Variants in PTPRN2 observed in about 807,000 individuals in gnomAD.
PTPRN2 encodes the protein protein tyrosine phosphatase receptor type N2, also known as receptor-type tyrosine-protein phosphatase N2.
In PTPRN2, 74 loss-of-function variants were observed where a neutral mutation model predicts 118.8. The observed-to-expected ratio is 0.62, with a 90% CI of 0.52 to 0.76. The LOEUF (loss-of-function observed/expected upper bound fraction) is 0.76. PTPRN2 is among the 30% of genes least tolerant of loss of function. The pLI is 0.00. For missense variants in PTPRN2, 1,481 were observed against 1,394.4 expected (o/e 1.06, Z -0.99); for synonymous variants, 641 against 608.0 (o/e 1.05, Z -0.80).
At chr7:158,118,587 CA>C (rs1816911627) in intron 9 of PTPRN2, among the ~76,000 whole-genome samples, 1 of 152,160 alleles carries the variant, frequency 6.6e-6, no homozygotes, top group Admixed American at 6.5e-5. Context: ...ACTCTCCAAT[CA>C]AAAGACAGAG....
chr7:158,455,840 T>TCAA, intron 2 of PTPRN2, among the ~76,000 whole-genome samples: 1 of 147,644 alleles, frequency 6.8e-6, no homozygotes, highest in South Asian at 2.2e-4. Flanking sequence ...CGGCCACCCA[T>TCAA]TGCTCTGCAG....
At chr7:157,621,635 G>GC (rs1265579618) in intron 14 of PTPRN2, 126 bp from the exon 15 acceptor site, 9 of 1,219,984 alleles carry the variant, frequency 7.4e-6, no homozygotes, top group Admixed American at 1.9e-5. Context: ...ACGAGCCTGG[G>GC]CCATGGTGCG....
chr7:157,576,597 G>C lies in PTPRN2; in HGVS notation c.2783+16C>G. The C allele has an allele frequency of 6.3e-7, 1 of 1,597,798 alleles. No individual in the cohort carries two copies. The highest frequency in any genetic ancestry group is 8.5e-7 in the Non-Finnish European group (1 of 1,170,124). Reference sequence around the variant, plus strand: ...GCTCAGCGCGCACTGCCCTGCCGGCGGGCCGCGCGTCATACCTGCGGAAGT... The same window carrying C: ...GCTCAGCGCGCACTGCCCTGCCGGCCGGCCGCGCGTCATACCTGCGGAAGT... On this transcript the variant is annotated intron_variant, in intron 19 of 22. Coordinates refer to ENST00000389418, the MANE Select transcript of PTPRN2 (RefSeq NM_002847.5).
intron 8 of PTPRN2, among the ~76,000 whole-genome samples, chr7:158,134,507 T>C (rs1436545436): frequency 2.0e-5 from 3 of 152,196 alleles, no homozygotes; most frequent in African/African-American, 4.8e-5. Flanking sequence ...AAAGGCACTG[T>C]ACTAAATGCG....
At chr7:157,939,612 A>C (rs10226368) in intron 11 of PTPRN2, among the ~76,000 whole-genome samples, 59,007 of 152,216 alleles carry the variant, frequency 0.39, 13,717 homozygotes, top group East Asian at 0.63. Flanking sequence ...AGCAAAGGTG[A>C]GGCCCTGAGG....
At chr7:158,303,597 A>T (rs780854822) in intron 3 of PTPRN2, among the ~76,000 whole-genome samples, 1 of 152,256 alleles carries the variant, frequency 6.6e-6, no homozygotes, top group Non-Finnish European at 1.5e-5. Flanking sequence ...TAAGACAGGA[A>T]TAAGAAGAAA....
chr7:158,071,384 C>CATG (rs1554528321), intron 11 of PTPRN2, among the ~76,000 whole-genome samples: 11 of 27,982 alleles, frequency 3.9e-4, no homozygotes, highest in Non-Finnish European at 6.6e-4. Context: ...TGGAGGTGCT[C>CATG]GTGGTGGAGG....
chr7:158,310,561 C>T (rs112961689), intron 3 of PTPRN2, among the ~76,000 whole-genome samples: 4 of 152,326 alleles, frequency 2.6e-5, no homozygotes, highest in South Asian at 2.1e-4. Context: ...AATGGCCGGC[C>T]GGAGATGGGG....
intron 21 of PTPRN2, among the ~76,000 whole-genome samples, chr7:157,562,824 TC>T (rs201389893): frequency 8.1e-6 from 1 of 123,598 alleles, no homozygotes; most frequent in Non-Finnish European, 1.6e-5. Flanking sequence ...GACCACGTGC[TC>T]CACGTCACCA....
intron 3 of PTPRN2, among the ~76,000 whole-genome samples, chr7:158,265,296 G>A (rs1170841512): frequency 1.3e-5 from 2 of 152,180 alleles, no homozygotes; most frequent in African/African-American, 2.4e-5. Context: ...ACACAGACAC[G>A]AGCACATACC....
intron 3 of PTPRN2, among the ~76,000 whole-genome samples, chr7:158,236,268 C>T (rs571748294): frequency 4.6e-5 from 7 of 152,168 alleles, no homozygotes; most frequent in Admixed American, 4.6e-4. Context: ...GCCTGCCACA[C>T]AGGCAGGCAA....
chr7:158,063,855 G>A (rs1316563595), intron 11 of PTPRN2, among the ~76,000 whole-genome samples: 1 of 152,188 alleles, frequency 6.6e-6, no homozygotes, highest in East Asian at 1.9e-4. Flanking sequence ...GCCCTACAGA[G>A]TTTCCAGAAG....
At chr7:157,750,872 C>T (rs1801421832) in intron 12 of PTPRN2, among the ~76,000 whole-genome samples, 2 of 152,238 alleles carry the variant, frequency 1.3e-5, no homozygotes, top group Non-Finnish European at 2.9e-5. Flanking sequence ...GGCATTGGAG[C>T]AGGGTGCAGC....
intron 12 of PTPRN2, among the ~76,000 whole-genome samples, chr7:157,747,351 C>G (rs1178480499): frequency 8.6e-4 from 66 of 77,184 alleles, no homozygotes; most frequent in African/African-American, 1.6e-3. Context: ...TGTGGGGTGT[C>G]CGGGTGATTC....
intron 1 of PTPRN2, among the ~76,000 whole-genome samples, chr7:158,587,324 C>G (rs1167420952): frequency 8.7e-6 from 1 of 114,624 alleles, no homozygotes; most frequent in Non-Finnish European, 1.9e-5. Flanking sequence ...CCAACGCCCC[C>G]ACTCATTTAT....
At chr7:158,256,152 T>A (rs1316080153) in intron 3 of PTPRN2, among the ~76,000 whole-genome samples, 1 of 152,068 alleles carries the variant, frequency 6.6e-6, no homozygotes, top group African/African-American at 2.4e-5. Flanking sequence ...TGTGCAAAGG[T>A]GATGTGGGCA....
At chr7:157,923,148 AC>A (rs1379260023) in intron 11 of PTPRN2, among the ~76,000 whole-genome samples, 5 of 152,298 alleles carry the variant, frequency 3.3e-5, no homozygotes, top group Admixed American at 3.3e-4. Context: ...CTTTATCCCA[AC>A]ACCCTACACT....
intron 1 of PTPRN2, among the ~76,000 whole-genome samples, chr7:158,561,824 C>G (rs1366607165): frequency 6.6e-6 from 1 of 152,182 alleles, no homozygotes; most frequent in Non-Finnish European, 1.5e-5. Context: ...ACCGTGCCAC[C>G]CCCCACAGTA....
intron 2 of PTPRN2, among the ~76,000 whole-genome samples, chr7:158,439,735 T>C (rs545667532): frequency 6.6e-6 from 1 of 152,358 alleles, no homozygotes; most frequent in Admixed American, 6.5e-5. Flanking sequence ...AAAATCAGTT[T>C]GTACTGATTG....
Sources: gnomAD v4.1 joint callset for allele counts (sites outside exome capture counted in the v4.1 genomes callset) on GRCh38, gnomAD v4.1.1 for gene constraint, MANE v1.5 for transcripts, NCBI Gene and HGNC (gene_info 2026-07-23, HGNC 2026-07-21) for gene names.